Variants in ANXA5 observed in about 807,000 individuals in gnomAD.
ANXA5 encodes the protein CBP-I.
Under a neutral mutation model 48.1 loss-of-function variants are expected in ANXA5, and 40 were observed. The ratio of observed to expected loss-of-function variants is 0.83; its 90% confidence interval spans 0.65 to 1.08. ANXA5 has a LOEUF of 1.08. Ranked by LOEUF, ANXA5 falls within the 50% of genes least tolerant of loss-of-function variation. The pLI is 0.00. For missense variants in ANXA5, 357 were observed against 376.8 expected (o/e 0.95, Z 0.44); for synonymous variants, 113 against 129.1 (o/e 0.88, Z 0.85).
At chr4:121,686,443 A>T in intron 2 of ANXA5, 71 bp from the exon 3 acceptor site, 1 of 1,124,834 alleles carries the variant, frequency 8.9e-7, no homozygotes, top group Non-Finnish European at 1.3e-6. Context: ...ACAAACAGGA[A>T]GCCGCTTGCT....
intron 2 of ANXA5, among the ~76,000 whole-genome samples, chr4:121,687,807 A>G (rs1034888436): frequency 3.3e-5 from 5 of 152,166 alleles, no homozygotes; most frequent in African/African-American, 1.2e-4. Flanking sequence ...CTTTGACCAC[A>G]CTTTGAAGAG....
intron 8 of ANXA5, among the ~76,000 whole-genome samples, chr4:121,673,611 G>A (rs1724646962): frequency 6.6e-6 from 1 of 151,656 alleles, no homozygotes; most frequent in South Asian, 2.1e-4. Context: ...TTATATTTCT[G>A]GAGAATAAGA....
chr4:121,692,024 C>T (rs1323558065), intron 2 of ANXA5, among the ~76,000 whole-genome samples: 1 of 152,164 alleles, frequency 6.6e-6, no homozygotes, highest in African/African-American at 2.4e-5. Flanking sequence ...AATCCCAACT[C>T]AGAAAAAGTG....
intron 2 of ANXA5, among the ~76,000 whole-genome samples, chr4:121,694,845 T>C (rs975871249): frequency 6.6e-6 from 1 of 152,260 alleles, no homozygotes; most frequent in African/African-American, 2.4e-5. Context: ...TGGTGTTATA[T>C]TGTCATAGGG....
At chr4:121,681,319 A>C (rs1056965769) in intron 6 of ANXA5, 3 of 163,286 alleles carry the variant, frequency 1.8e-5, no homozygotes, top group Non-Finnish European at 2.6e-5. Flanking sequence ...ATAACTCCTA[A>C]ATTTTGCTAG....
intron 8 of ANXA5, among the ~76,000 whole-genome samples, chr4:121,674,111 G>A (rs1173482641): frequency 1.3e-5 from 2 of 149,586 alleles, no homozygotes; most frequent in South Asian, 2.2e-4. Flanking sequence ...AACCCAGGAG[G>A]CAGAGGTTGC....
At chr4:121,693,858 T>A (rs1379197253) in intron 2 of ANXA5, among the ~76,000 whole-genome samples, 1 of 151,874 alleles carries the variant, frequency 6.6e-6, no homozygotes, top group African/African-American at 2.4e-5. Context: ...CATGAAAAGA[T>A]GCAATCAATA....
intron 6 of ANXA5, among the ~76,000 whole-genome samples, chr4:121,680,018 C>CACGA (rs2110483842): frequency 6.6e-6 from 1 of 152,280 alleles, no homozygotes; most frequent in South Asian, 2.1e-4. Context: ...ATCGTGTATG[C>CACGA]TTTGACCAAT....
Position 121,686,383 on chromosome 4 carries a change from A to G in ANXA5, c.10-11T>C, listed in dbSNP as rs1228712283. 1 of 1,605,108 alleles carries G rather than the reference A, an allele frequency of 6.2e-7. No homozygotes were observed. Among genetic ancestry groups the G allele is most frequent in the Admixed American group, 1.7e-5 (1 of 59,976 alleles). ...AGTGCCTCTGAGAACCTAATTCACG[A>G]AACACAGTGGTATTATTCATATCAT... is the stretch of plus-strand genomic sequence containing the variant. On this transcript the variant is annotated splice_polypyrimidine_tract_variant and intron_variant, in intron 2 of 12. Transcript: ENST00000296511.
chr4:121,674,844 C>T (rs778439526), intron 8 of ANXA5, among the ~76,000 whole-genome samples: 5 of 152,162 alleles, frequency 3.3e-5, no homozygotes, highest in Admixed American at 6.5e-5. Flanking sequence ...CTAAGCTTTA[C>T]GGTTCAGCCT....
At chr4:121,695,074 T>C (rs1725055295) in intron 2 of ANXA5, among the ~76,000 whole-genome samples, 1 of 152,210 alleles carries the variant, frequency 6.6e-6, no homozygotes, top group East Asian at 1.9e-4. Context: ...AAGAAACTGC[T>C]AAATGAGCAA....
intron 2 of ANXA5, among the ~76,000 whole-genome samples, chr4:121,693,619 A>G (rs1294168974): frequency 3.0e-4 from 46 of 152,250 alleles, no homozygotes; most frequent in Admixed American, 2.9e-3. Context: ...AGATAAGGAA[A>G]TCAGGGTTTG....
intron 3 of ANXA5, 121 bp from the exon 4 acceptor site, chr4:121,684,892 A>G: frequency 2.8e-6 from 2 of 723,758 alleles, no homozygotes; most frequent in South Asian, 1.8e-5. Flanking sequence ...TATAAAATAT[A>G]TTTTATGGCC....
chr4:121,676,885 T>C (rs1724707822), intron 8 of ANXA5, among the ~76,000 whole-genome samples: 1 of 152,140 alleles, frequency 6.6e-6, no homozygotes, highest in Non-Finnish European at 1.5e-5. Context: ...GACTTTATCC[T>C]GAGGGCAATG....
Position 121,672,608 on chromosome 4 carries a change from C to A in ANXA5, c.550G>T (p.Glu184Ter). The A allele has an allele frequency of 6.2e-7, 1 of 1,613,604 alleles. No homozygotes were observed. Among genetic ancestry groups the A allele is most frequent in the Non-Finnish European group, 8.5e-7 (1 of 1,179,692 alleles). The change falls in exon 9 of 13, where the codon GAA becomes TAA. Residue 184 changes from glutamate (E) to a stop codon, truncating the protein, a stop_gained. Transcript: ENST00000296511. LOFTEE classifies it high-confidence loss of function. ...QDAQALFQAG[E>*]LKWGTDEEKF... ...TCTTCATCTGTCCCCCATTTAAGTT[C>A]TCCAGCCTGAAATAAAGCCTGCAAA...
chr4:121,678,005 GAAA>G (rs1280880365), intron 7 of ANXA5, 55 bp from the exon 8 acceptor site: 2 of 1,415,934 alleles, frequency 1.4e-6, no homozygotes, highest in African/African-American at 2.8e-5. Context: ...CATTCAAAAG[GAAA>G]AATGGTTCCA....
rs1298233500 is a variant in ANXA5 at position 121,668,630 on chromosome 4, C to T, written c.904-103G>A. 3.2e-6 allele frequency: 3 copies of T among 935,154 alleles called. No homozygotes were observed. The Admixed American group carries it at 5.6e-5, about 17-fold the overall frequency. 57.9% of individuals were successfully genotyped at this position (935,154 alleles called of 1,614,324 possible). On this transcript the variant is annotated intron_variant, in intron 12 of 12. Transcript: ENST00000296511. ...AAATTTTATTCATAAGACTCTTCTC[C>T]CAAGTGGGTAATCTCTGTGACTTTC...
chr4:121,672,157 C>T (rs750454657), intron 9 of ANXA5, among the ~76,000 whole-genome samples: 2 of 152,158 alleles, frequency 1.3e-5, no homozygotes, highest in Non-Finnish European at 2.9e-5. Flanking sequence ...CTGTCACTTG[C>T]ACTAAATTCA....
At chr4:121,685,034 G>GTATA (rs71599154) in intron 3 of ANXA5, among the ~76,000 whole-genome samples, 2,228 of 135,878 alleles carry the variant, frequency 0.016, 34 homozygotes, top group African/African-American at 0.039. Flanking sequence ...AAAAAAATAT[G>GTATA]TATATATATA....
Sources: allele counts gnomAD v4.1 joint callset (sites outside exome capture counted in the v4.1 genomes callset), GRCh38; gene constraint gnomAD v4.1.1; transcripts MANE v1.5; gene names NCBI Gene and HGNC (gene_info 2026-07-23, HGNC 2026-07-21).